Variants in GLIS1 observed in about 807,000 individuals in gnomAD.
GLIS1 encodes the protein GLIS family zinc finger 1.
A neutral mutation model predicts 63.8 loss-of-function variants in GLIS1; 24 were observed. The observed-to-expected ratio is 0.38, with a 90% CI of 0.27 to 0.53. GLIS1 has a LOEUF of 0.53. Among genes scored for constraint, GLIS1 ranks in the 20% least tolerant of loss-of-function variants. GLIS1 has a pLI of 0.85. For synonymous variants in GLIS1, 450 were observed against 482.5 expected, an observed-to-expected ratio of 0.93 and a Z score of 0.88; for missense variants, 1,036 against 1,074.1, an observed-to-expected ratio of 0.96 and a Z score of 0.50.
chr1:53,613,997 G>T (rs1400284437), intron 2 of GLIS1, among the ~76,000 whole-genome samples: 1 of 152,140 alleles, frequency 6.6e-6, no homozygotes, highest in Non-Finnish European at 1.5e-5. Context: ...ATAAGCGCAG[G>T]ATTCAAAATT....
At chr1:53,704,718 T>G (rs1646559575) in intron 2 of GLIS1, among the ~76,000 whole-genome samples, 1 of 152,176 alleles carries the variant, frequency 6.6e-6, no homozygotes, top group Non-Finnish European at 1.5e-5. Context: ...GGGGCAGACC[T>G]CAGTTTAGCC....
intron 2 of GLIS1, among the ~76,000 whole-genome samples, chr1:53,606,612 GC>G (rs767156558): frequency 6.6e-5 from 10 of 152,226 alleles, no homozygotes; most frequent in Non-Finnish European, 7.3e-5. Context: ...AAATCCAGAA[GC>G]CCAGAGACCA....
At chr1:53,724,442 T>C (rs1193091744) in intron 2 of GLIS1, among the ~76,000 whole-genome samples, 1 of 152,212 alleles carries the variant, frequency 6.6e-6, no homozygotes, top group Non-Finnish European at 1.5e-5. Flanking sequence ...TTTATTTAAT[T>C]GTAATTCATC....
At chr1:53,647,918 T>A (rs1645863765) in intron 2 of GLIS1, among the ~76,000 whole-genome samples, 2 of 152,166 alleles carry the variant, frequency 1.3e-5, no homozygotes, top group Admixed American at 1.3e-4. Context: ...ATGCCTGTAA[T>A]CCCAGCATTT....
intron 10 of GLIS1, 54 bp from the exon 11 acceptor site, chr1:53,506,830 G>C: frequency 6.5e-7 from 1 of 1,542,986 alleles, no homozygotes; most frequent in Non-Finnish European, 8.8e-7. Flanking sequence ...CTGTGCCTGC[G>C]CATGCTTCCC....
chr1:53,685,727 G>GGA (rs2100442065), intron 2 of GLIS1, among the ~76,000 whole-genome samples: 1 of 152,226 alleles, frequency 6.6e-6, no homozygotes, highest in East Asian at 1.9e-4. Flanking sequence ...CTCAAATAGT[G>GGA]GGTCCTAACC....
At chr1:53,619,699 C>T (rs1234354851) in intron 2 of GLIS1, among the ~76,000 whole-genome samples, 2 of 152,238 alleles carry the variant, frequency 1.3e-5, no homozygotes, top group Admixed American at 6.5e-5. Context: ...ACCCGCCAGG[C>T]GGCCCACAGG....
chr1:53,537,671 C>A (rs535382909), intron 4 of GLIS1, among the ~76,000 whole-genome samples: 1 of 152,164 alleles, frequency 6.6e-6, no homozygotes, highest in Non-Finnish European at 1.5e-5. Context: ...TTCCTGCCTG[C>A]GGCTGGCATG....
chr1:53,643,346 T>C lies in GLIS1; in HGVS notation c.260-43068A>G, dbSNP rs545655193. 3.3e-5 allele frequency among the ~76,000 whole-genome samples: 5 copies of C among 152,340 alleles called. No individual in the cohort carries two copies. The South Asian group carries it at 8.3e-4, about 25-fold the overall frequency. On this transcript the variant is annotated intron_variant, in intron 2 of 10. Coordinates refer to ENST00000628545, the MANE Select transcript of GLIS1 (RefSeq NM_001367484.1). The stretch of plus-strand genomic sequence containing the variant: ...CCATTATGACTTTGGTTGGGGGCAG[T>C]AGTGTTCCCAGATGCTCTTGTCCTC...
intron 1 of GLIS1, among the ~76,000 whole-genome samples, chr1:53,738,800 GCCACACAC>G (rs1646939194): frequency 1.3e-5 from 2 of 152,192 alleles, no homozygotes; most frequent in Middle Eastern, 6.8e-3. Context: ...CGCGGCCGCC[GCCACACAC>G]CCGCACACCC....
At chr1:53,664,098 G>A (rs1646062130) in intron 2 of GLIS1, among the ~76,000 whole-genome samples, 3 of 152,190 alleles carry the variant, frequency 2.0e-5, no homozygotes, top group South Asian at 4.1e-4. Flanking sequence ...AGCTAGAATC[G>A]AAAATAACCC....
At chr1:53,641,465 G>C (rs1219368630) in intron 2 of GLIS1, among the ~76,000 whole-genome samples, 1 of 152,186 alleles carries the variant, frequency 6.6e-6, no homozygotes, top group African/African-American at 2.4e-5. Flanking sequence ...AGGAACCTGA[G>C]CACTCTGAGA....
At chr1:53,577,394 C>G (rs1384051406) in intron 4 of GLIS1, among the ~76,000 whole-genome samples, 3 of 152,226 alleles carry the variant, frequency 2.0e-5, no homozygotes, top group Non-Finnish European at 4.4e-5. Flanking sequence ...TCCGCACTGC[C>G]TCCTGGTGAC....
At chr1:53,557,316 C>A (rs1348353252) in intron 4 of GLIS1, among the ~76,000 whole-genome samples, 1 of 152,098 alleles carries the variant, frequency 6.6e-6, no homozygotes, top group Non-Finnish European at 1.5e-5. Context: ...TTATCATAAT[C>A]CCTATTTTGC....
At chr1:53,632,765 CTG>C (rs1219869445) in intron 2 of GLIS1, among the ~76,000 whole-genome samples, 1 of 134,470 alleles carries the variant, frequency 7.4e-6, no homozygotes, top group Non-Finnish European at 1.6e-5. Context: ...ATGAGTGTGA[CTG>C]AGGGATGTGT....
chr1:53,597,360 G>A (rs1433707750), intron 3 of GLIS1, among the ~76,000 whole-genome samples: 8 of 143,640 alleles, frequency 5.6e-5, no homozygotes, highest in African/African-American at 1.8e-4. Flanking sequence ...GCGACACAGC[G>A]AGACCCAGAA....
intron 5 of GLIS1, among the ~76,000 whole-genome samples, chr1:53,527,990 G>A (rs493163): frequency 0.15 from 23,004 of 152,156 alleles, 3,623 homozygotes; most frequent in East Asian, 0.5. Context: ...GGAAGAAGGA[G>A]GGTCAGGGAA....
chr1:53,537,614 C>G (rs184869724), intron 4 of GLIS1, among the ~76,000 whole-genome samples: 1 of 152,116 alleles, frequency 6.6e-6, no homozygotes, highest in Non-Finnish European at 1.5e-5. Context: ...AAAGAATATG[C>G]CCAGTGTAGG....
intron 4 of GLIS1, among the ~76,000 whole-genome samples, chr1:53,575,834 G>A (rs1041802212): frequency 9.9e-5 from 15 of 152,126 alleles, no homozygotes; most frequent in African/African-American, 3.6e-4. Flanking sequence ...CTCTGATTAT[G>A]CCGCCCTGCG....
Sources: gnomAD v4.1 joint callset for allele counts (sites outside exome capture counted in the v4.1 genomes callset) on GRCh38, gnomAD v4.1.1 for gene constraint, MANE v1.5 for transcripts, NCBI Gene and HGNC (gene_info 2026-07-23, HGNC 2026-07-21) for gene names.